The following DOCK3 variants were observed in gnomAD, a reference collection of about 807,000 sequenced individuals.
The protein encoded by DOCK3 is dedicator of cytokinesis 3.
DOCK3 carries 60 observed loss-of-function variants against 265.6 expected under a neutral mutation model. The observed-to-expected ratio is 0.23, with a 90% CI of 0.18 to 0.28. The LOEUF is 0.28. Among genes scored for constraint, DOCK3 ranks in the 10% least tolerant of loss-of-function variants. The probability of loss-of-function intolerance (pLI) is 1.00; values close to 1 mark genes in which losing one functional copy is unlikely to be tolerated. For synonymous variants in DOCK3, 881 were observed against 938.0 expected, an observed-to-expected ratio of 0.94 and a Z score of 1.11; for missense variants, 1,981 against 2,594.3, an observed-to-expected ratio of 0.76 and a Z score of 5.14.
At chr3:51,166,316 G>T (rs564156809) in intron 12 of DOCK3, among the ~76,000 whole-genome samples, 1 of 152,216 alleles carries the variant, frequency 6.6e-6, no homozygotes, top group African/African-American at 2.4e-5. Context: ...CTCCCAAAGT[G>T]CTGGGATTAT....
intron 49 of DOCK3, among the ~76,000 whole-genome samples, chr3:51,365,798 T>C (rs1241408632): frequency 6.6e-6 from 1 of 152,248 alleles, no homozygotes; most frequent in Non-Finnish European, 1.5e-5. Flanking sequence ...TTTATTGATC[T>C]GCATATGTTG....
intron 14 of DOCK3, among the ~76,000 whole-genome samples, chr3:51,225,116 C>T (rs904147317): frequency 6.6e-6 from 1 of 152,112 alleles, no homozygotes; most frequent in Admixed American, 6.5e-5. Context: ...GTCACTCCAG[C>T]AGGGAATGGG....
intron 3 of DOCK3, among the ~76,000 whole-genome samples, chr3:50,862,014 A>G (rs1179042827): frequency 1.3e-5 from 2 of 152,136 alleles, no homozygotes; most frequent in Non-Finnish European, 2.9e-5. Context: ...ATTGCTTCAT[A>G]TGATACGTGA....
intron 5 of DOCK3, among the ~76,000 whole-genome samples, chr3:50,979,001 G>T (rs960048949): frequency 6.6e-6 from 1 of 152,224 alleles, no homozygotes; most frequent in South Asian, 2.1e-4. Context: ...ACCCTGCTTC[G>T]GCTCGCGTAC....
chr3:51,019,324 A>G (rs1018165227), intron 5 of DOCK3, among the ~76,000 whole-genome samples: 1 of 151,944 alleles, frequency 6.6e-6, no homozygotes, highest in Non-Finnish European at 1.5e-5. Flanking sequence ...GATTAGTTGA[A>G]CAGGCACCTC....
chr3:50,890,307 A>T (rs1228334264), intron 4 of DOCK3, among the ~76,000 whole-genome samples: 1 of 152,090 alleles, frequency 6.6e-6, no homozygotes, highest in Admixed American at 6.6e-5. Flanking sequence ...AATTTTATAA[A>T]ATCAGTTAGG....
At chr3:50,677,124 T>G (rs967274439) in intron 1 of DOCK3, among the ~76,000 whole-genome samples, 1 of 152,218 alleles carries the variant, frequency 6.6e-6, no homozygotes, top group East Asian at 1.9e-4. Context: ...GCCACAGCAT[T>G]GGGCTCAGGG....
chr3:50,893,828 A>G (rs2048758151), intron 4 of DOCK3, among the ~76,000 whole-genome samples: 1 of 151,996 alleles, frequency 6.6e-6, no homozygotes, highest in Non-Finnish European at 1.5e-5. Context: ...TTGTAGGGAC[A>G]TGGATGAAGC....
intron 9 of DOCK3, among the ~76,000 whole-genome samples, chr3:51,096,287 TG>T (rs1402879814): frequency 6.6e-6 from 1 of 152,222 alleles, no homozygotes; most frequent in Non-Finnish European, 1.5e-5. Context: ...AACATAGGTT[TG>T]GTTTTTTCAC....
At chr3:51,227,934 A>G (rs1441462339) in intron 16 of DOCK3, 48 bp from the exon 17 acceptor site, 1 of 1,571,876 alleles carries the variant, frequency 6.4e-7, no homozygotes. Context: ...TTCCATGAGG[A>G]AGCAGAGTGG....
At chr3:51,063,924 G>C (rs2081505289) in intron 5 of DOCK3, among the ~76,000 whole-genome samples, 2 of 152,198 alleles carry the variant, frequency 1.3e-5, no homozygotes, top group African/African-American at 4.8e-5. Context: ...AAGCTAATTA[G>C]AAAATCAGAT....
At chr3:51,363,484 A>G (rs966291957) in intron 49 of DOCK3, among the ~76,000 whole-genome samples, 14 of 152,080 alleles carry the variant, frequency 9.2e-5, no homozygotes, top group African/African-American at 3.4e-4. Flanking sequence ...AATATCACAA[A>G]TTTATTTATT....
chr3:50,831,214 TTTATTTATTTA>T, intron 2 of DOCK3, among the ~76,000 whole-genome samples: 2 of 150,594 alleles, frequency 1.3e-5, no homozygotes, highest in South Asian at 2.1e-4. Flanking sequence ...TATTTATTTA[TTTATTTATTTA>T]TTTTTAATTT....
intron 5 of DOCK3, among the ~76,000 whole-genome samples, chr3:50,976,567 T>G (rs1314880900): frequency 0.028 from 3,827 of 136,918 alleles, 99 homozygotes; most frequent in East Asian, 0.16. Context: ...TTCCAAGTAT[T>G]TGGTCAATTT....
At chr3:51,212,224 A>G (rs1418818396) in intron 13 of DOCK3, among the ~76,000 whole-genome samples, 3 of 152,078 alleles carry the variant, frequency 2.0e-5, no homozygotes, top group Non-Finnish European at 2.9e-5. Flanking sequence ...CTTATTTGTT[A>G]TGTTTAGAAG....
intron 5 of DOCK3, among the ~76,000 whole-genome samples, chr3:50,988,412 G>T (rs1434952273): frequency 1.3e-5 from 2 of 152,148 alleles, no homozygotes; most frequent in Non-Finnish European, 2.9e-5. Flanking sequence ...GCTGCCAGAG[G>T]GAGAGGTGGG....
At chr3:51,133,712 C>T (rs950791770) in intron 9 of DOCK3, among the ~76,000 whole-genome samples, 5 of 152,032 alleles carry the variant, frequency 3.3e-5, no homozygotes, top group East Asian at 1.9e-4. Context: ...TTTATACAAA[C>T]AGAAATCTAG....
chr3:50,928,257 T>C (rs2050874609), intron 4 of DOCK3, among the ~76,000 whole-genome samples: 1 of 151,948 alleles, frequency 6.6e-6, no homozygotes, highest in African/African-American at 2.4e-5. Flanking sequence ...CAGAACTTTT[T>C]CATTATCGCC....
At chr3:51,042,650 A>G (rs1468739930) in intron 5 of DOCK3, among the ~76,000 whole-genome samples, 2 of 152,228 alleles carry the variant, frequency 1.3e-5, no homozygotes, top group Non-Finnish European at 2.9e-5. Flanking sequence ...AGGAAGTCAA[A>G]CTATTCCTGT....
Sources: allele counts gnomAD v4.1 joint callset (sites outside exome capture counted in the v4.1 genomes callset), GRCh38; gene constraint gnomAD v4.1.1; transcripts MANE v1.5; gene names NCBI Gene and HGNC (gene_info 2026-07-23, HGNC 2026-07-21).